Variants in PPP1R16B observed in about 807,000 individuals in gnomAD.
PPP1R16B encodes protein phosphatase 1 regulatory subunit 16B, also known as protein phosphatase 1 regulatory inhibitor subunit 16B.
In PPP1R16B, 14 loss-of-function variants were observed where a neutral mutation model predicts 61.7. The ratio of observed to expected loss-of-function variants is 0.23; its 90% confidence interval spans 0.15 to 0.35. The LOEUF (loss-of-function observed/expected upper bound fraction) is 0.35, where lower values mean the gene tolerates loss of function less well. Ranked by LOEUF, PPP1R16B falls within the 10% of genes least tolerant of loss-of-function variation. The pLI is 1.00. For synonymous variants in PPP1R16B, 266 were observed against 305.3 expected (o/e 0.87, Z 1.34); for missense variants, 547 against 752.5 (o/e 0.73, Z 3.19).
intron 1 of PPP1R16B, among the ~76,000 whole-genome samples, chr20:38,826,932 G>T (rs2084808831): frequency 6.6e-6 from 1 of 152,146 alleles, no homozygotes; most frequent in Non-Finnish European, 1.5e-5. Context: ...AATTATTCAT[G>T]TATTTATTTT....
Position 38,918,101 on chromosome 20 carries a change from G to A in PPP1R16B, c.1195-56G>A, listed in dbSNP as rs1480229128. The stretch of plus-strand genomic sequence containing the variant: ...TAATGCCCTCAGCAGAGAGACAGGT[G>A]GATAGTAGGTTCAGATCTTCCAGCC... On this transcript the variant is annotated intron_variant, in intron 10 of 10. Coordinates refer to ENST00000299824, the MANE Select transcript of PPP1R16B (RefSeq NM_015568.4). This position sits in a 1 kb window ranked among gnomAD's most constrained non-coding sequence, Gnocchi z 5.3. The A allele has an allele frequency of 2.5e-6, 4 of 1,589,994 alleles. No homozygotes were observed. Among genetic ancestry groups the A allele is most frequent in the African/African-American group, 1.3e-5 (1 of 74,484 alleles).
chr20:38,891,136 C>T (rs761723365), intron 3 of PPP1R16B, among the ~76,000 whole-genome samples: 6 of 152,192 alleles, frequency 3.9e-5, no homozygotes, highest in Non-Finnish European at 5.9e-5. Flanking sequence ...GCTGCACCCA[C>T]CAGCCATGGG....
intron 1 of PPP1R16B, among the ~76,000 whole-genome samples, chr20:38,807,759 G>A (rs1185544247): frequency 1.3e-5 from 2 of 152,220 alleles, no homozygotes; most frequent in African/African-American, 4.8e-5. Flanking sequence ...CTACCTAACA[G>A]TGTTCCCCTG....
chr20:38,911,051 GC>G (rs1161242823), intron 10 of PPP1R16B, among the ~76,000 whole-genome samples: 1 of 152,036 alleles, frequency 6.6e-6, no homozygotes, highest in Non-Finnish European at 1.5e-5. Context: ...TTGCTATGTT[GC>G]CCAGGCTGGT....
intron 2 of PPP1R16B, among the ~76,000 whole-genome samples, chr20:38,880,924 C>T (rs1011440604): frequency 4.6e-5 from 7 of 152,170 alleles, no homozygotes; most frequent in African/African-American, 7.2e-5. Flanking sequence ...CTTACGTTCC[C>T]ACCAGCAGGG....
Position 38,875,693 on chromosome 20 carries a change from G to A in PPP1R16B, c.251-13902G>A, listed in dbSNP as rs184193939. On this transcript the variant is annotated intron_variant, in intron 2 of 10. Transcript: ENST00000299824. Reference sequence around the variant, plus strand: ...CACCATGCAGGTTTCAGAAGGTCACGCTCTTGACAGGAAATGTGGCTGCTT... The same window carrying A: ...CACCATGCAGGTTTCAGAAGGTCACACTCTTGACAGGAAATGTGGCTGCTT... 8.7e-4 allele frequency among the ~76,000 whole-genome samples: 133 copies of A among 152,188 alleles called. 1 individual carries two copies. In the South Asian group the frequency reaches 0.016, roughly 18 times the overall value.
chr20:38,822,842 G>A (rs1046344634), intron 1 of PPP1R16B, among the ~76,000 whole-genome samples: 1 of 152,148 alleles, frequency 6.6e-6, no homozygotes, highest in African/African-American at 2.4e-5. Context: ...AGAAGGATGG[G>A]TGTGGTAGTA....
intron 6 of PPP1R16B, among the ~76,000 whole-genome samples, chr20:38,905,598 A>C (rs2085433575): frequency 6.6e-6 from 1 of 152,234 alleles, no homozygotes; most frequent in African/African-American, 2.4e-5. Flanking sequence ...AGGTGAGAAC[A>C]GTCAGGCTCC....
intron 2 of PPP1R16B, among the ~76,000 whole-genome samples, chr20:38,842,502 T>C (rs887936428): frequency 6.6e-6 from 1 of 152,256 alleles, no homozygotes; most frequent in African/African-American, 2.4e-5. Flanking sequence ...TTCTGTACTC[T>C]AAATTTAACT....
At chr20:38,853,429 C>T (rs1442149052) in intron 2 of PPP1R16B, among the ~76,000 whole-genome samples, 1 of 152,156 alleles carries the variant, frequency 6.6e-6, no homozygotes, top group African/African-American at 2.4e-5. Context: ...GTACCTCTGC[C>T]AGTTATGCTG....
At chr20:38,875,200 C>CCTA (rs1207967090) in intron 2 of PPP1R16B, among the ~76,000 whole-genome samples, 4 of 152,216 alleles carry the variant, frequency 2.6e-5, no homozygotes, top group Non-Finnish European at 2.9e-5. Context: ...CATCACTCTA[C>CCTA]CTACATCCTG....
chr20:38,832,912 C>CA (rs557919611), intron 1 of PPP1R16B, among the ~76,000 whole-genome samples: 855 of 68,086 alleles, frequency 0.013, 6 homozygotes, highest in African/African-American at 0.029. Context: ...AGCGAGATCT[C>CA]AAAAAAAAAA....
rs1450705747 is a variant in PPP1R16B, at chr20:38,922,085, T to C, written c.*3419T>C. 6.6e-6 allele frequency: 1 copy of C among 152,260 alleles called. No individual in the cohort carries two copies. Among genetic ancestry groups the C allele is most frequent in the Non-Finnish European group, 1.5e-5 (1 of 68,046 alleles). 9.4% of individuals were successfully genotyped at this position (152,260 alleles called of 1,614,324 possible). ...CGGTTATCACCAGACTGTGAGTTTC[T>C]GGCAAGTAGCTTGGGGAAGCTGAAT... On this transcript the variant is annotated 3_prime_UTR_variant, in exon 11 of 11. Transcript: ENST00000299824.
At chr20:38,895,338 T>C (rs773746899) in intron 3 of PPP1R16B, among the ~76,000 whole-genome samples, 5 of 150,708 alleles carry the variant, frequency 3.3e-5, no homozygotes, top group Non-Finnish European at 7.4e-5. Context: ...TTATCTTACA[T>C]ATTATTAACT....
intron 1 of PPP1R16B, among the ~76,000 whole-genome samples, chr20:38,834,872 CAAAA>C (rs906536636): frequency 6.6e-6 from 1 of 151,380 alleles, no homozygotes; most frequent in African/African-American, 2.4e-5. Flanking sequence ...TTTTTCAAAA[CAAAA>C]AAAATTTAGT....
chr20:38,896,167 CTTCCTTCTTTCTT>C (rs1351592771), intron 4 of PPP1R16B, among the ~76,000 whole-genome samples: 15,130 of 120,300 alleles, frequency 0.13, 1,448 homozygotes, highest in East Asian at 0.23. Context: ...CCCTCCCTTC[CTTCCTTCTTTCTT>C]CCCTCCCTTC....
At chr20:38,894,974 T>C (rs573504883) in intron 3 of PPP1R16B, among the ~76,000 whole-genome samples, 11 of 152,304 alleles carry the variant, frequency 7.2e-5, no homozygotes, top group African/African-American at 2.6e-4. Context: ...AATGCTCACG[T>C]TGAGCTGGAT....
chr20:38,843,428 G>C lies in PPP1R16B; in HGVS notation c.250+7253G>C, dbSNP rs116458501. On this transcript the variant is annotated intron_variant, in intron 2 of 10. Coordinates refer to ENST00000299824, the MANE Select transcript of PPP1R16B (RefSeq NM_015568.4). ...GGGCTGGAGAATCCACTTCCAAGAT[G>C]GCTCACTGGCATGGCTCTTGGCAGG... is the stretch of plus-strand genomic sequence containing the variant. Among the ~76,000 whole-genome samples, 728 of 152,346 alleles carry C rather than the reference G, an allele frequency of 4.8e-3. 7 individuals carry two copies. The highest frequency in any genetic ancestry group is 0.016 in the African/African-American group (674 of 41,580).
In PPP1R16B at chr20:38,889,465, C is replaced by T. The variant is rs139955544; in HGVS notation, c.251-130C>T. ...TGGAAATTCTGGGCGTCAGTTGTCTCATCTGTAAAATGGGGAGTTGTTACT... is the reference window on the plus strand; with the variant it reads ...TGGAAATTCTGGGCGTCAGTTGTCTTATCTGTAAAATGGGGAGTTGTTACT... On this transcript the variant is annotated intron_variant, in intron 2 of 10. Transcript: ENST00000299824. 3.8e-5 allele frequency: 29 copies of T among 772,506 alleles called. 1 individual carries two copies. Among genetic ancestry groups the T allele is most frequent in the African/African-American group, 3.3e-4 (19 of 58,384 alleles). 47.9% of individuals were successfully genotyped at this position (772,506 alleles called of 1,614,324 possible).
Sources: gnomAD v4.1 joint callset for allele counts (sites outside exome capture counted in the v4.1 genomes callset) on GRCh38, gnomAD v4.1.1 for gene constraint, Gnocchi (gnomAD v3.1) non-coding constraint, MANE v1.5 for transcripts, NCBI Gene and HGNC (gene_info 2026-07-23, HGNC 2026-07-21) for gene names.